CEP85L: variants seen among roughly 807,000 people sequenced by gnomAD.
CEP85L encodes the protein centrosomal protein 85L.
In CEP85L, 60 loss-of-function variants were observed where a neutral mutation model predicts 100.3. That is an observed-to-expected ratio of 0.60 (90% confidence interval 0.49 to 0.74). The LOEUF is 0.74. Ranked by LOEUF, CEP85L falls within the 30% of genes least tolerant of loss-of-function variation. The probability of loss-of-function intolerance (pLI) is 0.00; values close to 1 mark genes in which losing one functional copy is unlikely to be tolerated. For missense variants in CEP85L, 973 were observed against 936.2 expected (o/e 1.04, Z -0.51); for synonymous variants, 319 against 322.7 (o/e 0.99, Z 0.12).
At chr6:118,566,499 T>C (rs1779516622) in intron 2 of CEP85L, among the ~76,000 whole-genome samples, 183 bp from the exon 3 acceptor site, 1 of 151,934 alleles carries the variant, frequency 6.6e-6, no homozygotes, top group South Asian at 2.1e-4. Flanking sequence ...CTCACCGCAA[T>C]CTCTGCCTCC....
intron 1 of CEP85L, among the ~76,000 whole-genome samples, chr6:118,698,892 A>T (rs1264831226): frequency 1.3e-5 from 2 of 151,518 alleles, no homozygotes; most frequent in African/African-American, 4.9e-5. Flanking sequence ...GAGCTTTCAC[A>T]AAGTCATTCT....
intron 1 of CEP85L, among the ~76,000 whole-genome samples, chr6:118,638,656 C>G (rs1774671103): frequency 6.6e-6 from 1 of 151,008 alleles, no homozygotes; most frequent in African/African-American, 2.4e-5. Context: ...GCTGTAAGAA[C>G]AGCAAAGATC....
chr6:118,676,535 G>A (rs1468340721), intron 1 of CEP85L, among the ~76,000 whole-genome samples: 6 of 152,122 alleles, frequency 3.9e-5, no homozygotes, highest in Admixed American at 1.3e-4. Context: ...TCTTTCTTAA[G>A]GCTGTATGGT....
intron 10 of CEP85L, among the ~76,000 whole-genome samples, chr6:118,471,509 A>G (rs1772950648): frequency 6.6e-6 from 1 of 152,026 alleles, no homozygotes; most frequent in Admixed American, 6.6e-5. Flanking sequence ...AATCTACTAT[A>G]AAGATATTTT....
At chr6:118,504,384 A>G (rs1006179794) in intron 5 of CEP85L, among the ~76,000 whole-genome samples, 1 of 142,160 alleles carries the variant, frequency 7.0e-6, no homozygotes, top group African/African-American at 3.0e-5. Flanking sequence ...CAAAAAAAGA[A>G]AAAAAAAAAT....
chr6:118,533,753 C>T (rs1257979738), intron 3 of CEP85L, among the ~76,000 whole-genome samples: 6 of 152,078 alleles, frequency 3.9e-5, no homozygotes, highest in Non-Finnish European at 5.9e-5. Flanking sequence ...ATAGATAATA[C>T]GTTTGGCATA....
chr6:118,513,200 A>G lies in CEP85L; in HGVS notation c.1140-1785T>C, dbSNP rs1336014587. ...GCTCATAGTATCAGTGAGCCGCGAG[A>G]TTATAAGAGGCCAAATACATGTACA... On this transcript the variant is annotated intron_variant, in intron 4 of 12. Transcript: ENST00000368491. 3.9e-5 allele frequency among the ~76,000 whole-genome samples: 6 copies of G among 152,268 alleles called. No individual in the cohort carries two copies. In the South Asian group the frequency reaches 1.0e-3, roughly 26 times the overall value.
chr6:118,613,347 C>T (rs535074910), intron 2 of CEP85L, among the ~76,000 whole-genome samples: 5 of 152,134 alleles, frequency 3.3e-5, no homozygotes, highest in Non-Finnish European at 5.9e-5. Context: ...GTGAAATCAA[C>T]CACTTCCTCT....
chr6:118,467,644 T>G (rs1013549745), intron 12 of CEP85L, among the ~76,000 whole-genome samples: 2 of 152,156 alleles, frequency 1.3e-5, no homozygotes, highest in Non-Finnish European at 2.9e-5. Context: ...ACTGAAAAAC[T>G]TAACAAATGC....
chr6:118,593,818 G>A (rs1781321239), intron 2 of CEP85L, among the ~76,000 whole-genome samples: 1 of 151,912 alleles, frequency 6.6e-6, no homozygotes, highest in Non-Finnish European at 1.5e-5. Flanking sequence ...CTACCTTCCA[G>A]TTTTGTTTTC....
intron 2 of CEP85L, among the ~76,000 whole-genome samples, chr6:118,596,429 A>G (rs1465580779): frequency 6.6e-6 from 1 of 152,132 alleles, no homozygotes; most frequent in East Asian, 1.9e-4. Context: ...CAACTACAAG[A>G]CTCAGGACTT....
chr6:118,526,383 A>G (rs758945630), intron 3 of CEP85L, among the ~76,000 whole-genome samples: 8 of 152,124 alleles, frequency 5.3e-5, no homozygotes, highest in Non-Finnish European at 8.8e-5. Flanking sequence ...GACCTTCAGG[A>G]CCCCGCTCCA....
chr6:118,528,215 C>CTT (rs201109993), intron 3 of CEP85L, among the ~76,000 whole-genome samples: 1,606 of 143,086 alleles, frequency 0.011, 12 homozygotes, highest in African/African-American at 0.014. Flanking sequence ...TTTTCTTTTT[C>CTT]TTTTTTTTTT....
intron 3 of CEP85L, among the ~76,000 whole-genome samples, chr6:118,540,018 A>G (rs1777818637): frequency 6.6e-6 from 1 of 152,020 alleles, no homozygotes; most frequent in Non-Finnish European, 1.5e-5. Context: ...TATAGGTCAT[A>G]AAACAGGAAC....
At chr6:118,501,775 A>G (rs1463686417) in intron 5 of CEP85L, 3 of 963,022 alleles carry the variant, frequency 3.1e-6, no homozygotes, top group East Asian at 5.0e-5. Flanking sequence ...CAGAACAGAC[A>G]TCTCACAGAG....
chr6:118,524,391 C>T (rs1490667628), intron 3 of CEP85L, among the ~76,000 whole-genome samples: 2 of 152,126 alleles, frequency 1.3e-5, no homozygotes, highest in Non-Finnish European at 2.9e-5. Context: ...TTGCAGTGAG[C>T]CGAGATCACG....
chr6:118,495,335 T>C (rs554977743), intron 5 of CEP85L, among the ~76,000 whole-genome samples: 1 of 152,154 alleles, frequency 6.6e-6, no homozygotes, highest in South Asian at 2.1e-4. Context: ...CAACTTGAAT[T>C]GTAGTTCCAA....
chr6:118,657,269 A>C (rs1775829175), upstream of CEP85L: 1 of 152,426 alleles, frequency 6.6e-6, no homozygotes, highest in Non-Finnish European at 1.5e-5. Context: ...CTGAGACTAT[A>C]CAGGAGTATA....
chr6:118,705,483 G>C (rs147966874), intron 1 of CEP85L, among the ~76,000 whole-genome samples: 13 of 152,168 alleles, frequency 8.5e-5, no homozygotes, highest in Non-Finnish European at 1.8e-4. Flanking sequence ...CCTTGACCCC[G>C]GAACCAAATC....
Sources: allele counts gnomAD v4.1 joint callset (sites outside exome capture counted in the v4.1 genomes callset), GRCh38; gene constraint gnomAD v4.1.1; transcripts MANE v1.5; gene names NCBI Gene and HGNC (gene_info 2026-07-23, HGNC 2026-07-21).